Variants in IHO1 observed in about 807,000 individuals in gnomAD.
IHO1 encodes interactor of HORMAD1 protein 1.
IHO1 carries 13 observed loss-of-function variants against 31.0 expected under a neutral mutation model. That is an observed-to-expected ratio of 0.42 (90% confidence interval 0.27 to 0.67). The LOEUF is 0.67. Among genes scored for constraint, IHO1 ranks in the 30% least tolerant of loss-of-function variants. The pLI, the probability that IHO1 is intolerant of heterozygous loss-of-function variation, is 0.24. For missense variants in IHO1, 599 were observed against 687.5 expected (o/e 0.87, Z 1.44); for synonymous variants, 221 against 248.4 (o/e 0.89, Z 1.04).
chr3:49,201,335 C>T (rs1267967436), intron 1 of IHO1, among the ~76,000 whole-genome samples: 3 of 151,392 alleles, frequency 2.0e-5, no homozygotes, highest in East Asian at 2.0e-4. Context: ...TGGCTGTGCG[C>T]GGTGGCTCAT....
At chr3:49,197,121 C>A (rs1471119890), upstream of IHO1, among the ~76,000 whole-genome samples, 1 of 148,254 alleles carries the variant, frequency 6.7e-6, no homozygotes, top group African/African-American at 2.5e-5. Context: ...GCTGGGGCTA[C>A]AGGCTCGTGC....
chr3:49,233,853 G>A (rs997107703), intron 2 of IHO1, among the ~76,000 whole-genome samples: 7 of 152,194 alleles, frequency 4.6e-5, no homozygotes, highest in South Asian at 2.1e-4. Context: ...CACCGAGGGC[G>A]GAAAACCACT....
chr3:49,247,095 C>T (rs543483484), intron 6 of IHO1, among the ~76,000 whole-genome samples: 33 of 151,628 alleles, frequency 2.2e-4, no homozygotes, highest in African/African-American at 6.0e-4. Flanking sequence ...GTGATCTGCC[C>T]ACCTCGGCCT....
In IHO1 at chr3:49,257,238, C is replaced by T; in HGVS notation, c.1741C>T (p.Leu581Phe). 6.2e-7 allele frequency: 1 copy of T among 1,614,154 alleles called. No individual in the cohort carries two copies. The highest frequency in any genetic ancestry group is 1.1e-5 in the South Asian group (1 of 91,080). ...ATGCAAGGAGGCAGGAAAGAATTTG[C>T]TCTATGACCTGGGTTTTGATAGCAG... ...PLCKEAGKNL[L>F]YDLGFDSSDD... Residue 581 changes from leucine (L) to phenylalanine (F), a missense_variant, in exon 8 of 8, where the codon CTC (leucine) becomes TTC (phenylalanine). By Grantham distance (22) the Leu-to-Phe change is conservative. Coordinates refer to ENST00000452691, the MANE Select transcript of IHO1 (RefSeq NM_001135197.2).
intron 2 of IHO1, among the ~76,000 whole-genome samples, chr3:49,231,979 T>C (rs895773841): frequency 2.0e-5 from 3 of 152,224 alleles, no homozygotes; most frequent in African/African-American, 7.2e-5. Flanking sequence ...TTCCGTCGTT[T>C]GGGAGACTAG....
chr3:49,196,772 G>C (rs537343576), upstream of IHO1, among the ~76,000 whole-genome samples: 4 of 148,366 alleles, frequency 2.7e-5, no homozygotes, highest in African/African-American at 9.9e-5. Flanking sequence ...CTGGGTTCAC[G>C]CCATTCTCCT....
At chr3:49,194,527 G>A (rs1435551806), upstream of IHO1, among the ~76,000 whole-genome samples, 3 of 146,664 alleles carry the variant, frequency 2.0e-5, no homozygotes, top group African/African-American at 4.9e-5. Context: ...TCCTGACCTC[G>A]TGATCCACCC....
intron 2 of IHO1, among the ~76,000 whole-genome samples, chr3:49,223,129 T>C (rs1048081661): frequency 6.6e-6 from 1 of 152,280 alleles, no homozygotes; most frequent in Middle Eastern, 3.4e-3. Flanking sequence ...CCTGATCAAG[T>C]AGGAGGTCAT....
chr3:49,194,933 A>T (rs907761275), upstream of IHO1, among the ~76,000 whole-genome samples: 5 of 151,502 alleles, frequency 3.3e-5, no homozygotes, highest in African/African-American at 4.9e-5. Flanking sequence ...AATATACAAA[A>T]CAATGCTATG....
At chr3:49,228,784 G>A (rs1357485527) in intron 2 of IHO1, among the ~76,000 whole-genome samples, 8 of 152,212 alleles carry the variant, frequency 5.3e-5, no homozygotes, top group Non-Finnish European at 2.9e-5. Flanking sequence ...TGGACCCAAA[G>A]AGTGAGCAGC....
intron 6 of IHO1, among the ~76,000 whole-genome samples, chr3:49,248,398 G>A (rs150536933): frequency 5.5e-4 from 82 of 148,430 alleles, no homozygotes; most frequent in Non-Finnish European, 1.0e-3. Context: ...CAGCCTGGGC[G>A]ATAGAACCAG....
chr3:49,230,327 T>C (rs1369399511), intron 2 of IHO1, among the ~76,000 whole-genome samples: 1 of 152,218 alleles, frequency 6.6e-6, no homozygotes, highest in African/African-American at 2.4e-5. Context: ...GATTGCCTTC[T>C]CCTGCTATGA....
chr3:49,218,311 T>C (rs1040448136), intron 2 of IHO1, among the ~76,000 whole-genome samples: 4 of 151,564 alleles, frequency 2.6e-5, no homozygotes, highest in Admixed American at 6.6e-5. Context: ...TGTCAAGCCA[T>C]GTTGAGCTGA....
intron 6 of IHO1, among the ~76,000 whole-genome samples, chr3:49,248,367 C>T (rs1228933241): frequency 3.9e-5 from 6 of 151,936 alleles, no homozygotes; most frequent in Non-Finnish European, 8.8e-5. Context: ...TGCAGTGAGC[C>T]GAGATCCTGC....
intron 2 of IHO1, chr3:49,228,371 C>G (rs1404789231): frequency 2.2e-6 from 1 of 447,252 alleles, no homozygotes; most frequent in South Asian, 1.6e-5. Context: ...TCCTAGAAAG[C>G]CTGACAGCCA....
At chr3:49,193,409 G>A in the IHO1 span, among the ~76,000 whole-genome samples, 1 of 151,204 alleles carries the variant, frequency 6.6e-6, no homozygotes, top group Admixed American at 6.6e-5. Context: ...CCGTAAAGAT[G>A]TTGAGTTGGC....
intron 3 of IHO1, among the ~76,000 whole-genome samples, chr3:49,238,103 C>T (rs144372361): frequency 1.6e-4 from 24 of 151,816 alleles, no homozygotes; most frequent in African/African-American, 5.3e-4. Context: ...CAGTGTTTCT[C>T]CATGTTGGCG....
intron 2 of IHO1, among the ~76,000 whole-genome samples, chr3:49,214,625 TA>T (rs1243128312): frequency 1.6e-4 from 6 of 36,746 alleles, no homozygotes; most frequent in African/African-American, 4.6e-4. Context: ...TATATATATA[TA>T]TATATATTTT....
chr3:49,233,874 C>T (rs1446196574), intron 2 of IHO1, among the ~76,000 whole-genome samples: 1 of 152,182 alleles, frequency 6.6e-6, no homozygotes, highest in African/African-American at 2.4e-5. Context: ...TCCAGGCATT[C>T]CTAAACCACA....
Sources: allele counts gnomAD v4.1 joint callset (sites outside exome capture counted in the v4.1 genomes callset), GRCh38; gene constraint gnomAD v4.1.1; transcripts MANE v1.5; gene names NCBI Gene and HGNC (gene_info 2026-07-23, HGNC 2026-07-21).